DRC8: variants seen among roughly 807,000 people sequenced by gnomAD.
The protein encoded by DRC8 is dynein regulatory complex protein 8.
chr1:245,047,066 C>G, the DRC8 span, among the ~76,000 whole-genome samples: 1 of 152,162 alleles, frequency 6.6e-6, no homozygotes, highest in Non-Finnish European at 1.5e-5. Flanking sequence ...GGGAGCCACT[C>G]GCAGTGCTGC....
At chr1:245,003,909 T>G in the DRC8 span, among the ~76,000 whole-genome samples, 1 of 152,122 alleles carries the variant, frequency 6.6e-6, no homozygotes, top group African/African-American at 2.4e-5. Flanking sequence ...TTTTGTTTTG[T>G]TTTTAGAGGC....
chr1:245,050,043 C>T, the DRC8 span, among the ~76,000 whole-genome samples: 4 of 152,134 alleles, frequency 2.6e-5, no homozygotes, highest in Non-Finnish European at 5.9e-5. Context: ...TCTGCGAAGA[C>T]GAACCTGATG....
At chr1:245,081,955 G>A in the DRC8 span, 1 of 700,690 alleles carries the variant, frequency 1.4e-6, no homozygotes. Flanking sequence ...CCATCTCTGT[G>A]AGCAGGGGTC....
At chr1:244,992,065 A>G in the DRC8 span, among the ~76,000 whole-genome samples, 1 of 152,246 alleles carries the variant, frequency 6.6e-6, no homozygotes. Context: ...CGCAGTTGAC[A>G]GACATCTTTT....
At chr1:245,042,945 T>C in the DRC8 span, among the ~76,000 whole-genome samples, 1 of 152,170 alleles carries the variant, frequency 6.6e-6, no homozygotes, top group African/African-American at 2.4e-5. Context: ...CCAAATGCTA[T>C]ACATAATTAA....
chr1:245,004,058 G>A, the DRC8 span, among the ~76,000 whole-genome samples: 2 of 151,962 alleles, frequency 1.3e-5, no homozygotes, highest in Non-Finnish European at 2.9e-5. Context: ...TACTCGTAGA[G>A]TATTTCCTTC....
chr1:244,972,097 T>C, the DRC8 span, among the ~76,000 whole-genome samples: 1 of 152,230 alleles, frequency 6.6e-6, no homozygotes, highest in Non-Finnish European at 1.5e-5. Context: ...TTTCTCGTTT[T>C]TTAAAAACTG....
At chr1:245,013,561 GA>G in the DRC8 span, among the ~76,000 whole-genome samples, 2 of 142,484 alleles carry the variant, frequency 1.4e-5, no homozygotes, top group African/African-American at 2.7e-5. Flanking sequence ...TTATAATAAT[GA>G]AAAATCAGAA....
the DRC8 span, chr1:244,970,527 C>T: frequency 4.1e-6 from 6 of 1,480,148 alleles, no homozygotes; most frequent in Non-Finnish European, 5.4e-6. Flanking sequence ...GTGGGGTGGG[C>T]CCTCGTCCAT....
chr1:244,979,241 G>A, the DRC8 span, among the ~76,000 whole-genome samples: 1 of 145,604 alleles, frequency 6.9e-6, no homozygotes, highest in African/African-American at 2.6e-5. Flanking sequence ...CTCAGTATTT[G>A]CTGAATGTTG....
the DRC8 span, among the ~76,000 whole-genome samples, chr1:245,119,595 C>T: frequency 3.0e-4 from 45 of 151,152 alleles, no homozygotes; most frequent in African/African-American, 4.6e-4. Flanking sequence ...GCCATGATCA[C>T]GCCACTGTGC....
the DRC8 span, among the ~76,000 whole-genome samples, chr1:245,112,457 A>G: frequency 1.3e-5 from 2 of 152,364 alleles, no homozygotes; most frequent in African/African-American, 4.8e-5. Flanking sequence ...TAAAAAAGAA[A>G]TATGCAGCTG....
At chr1:245,002,371 C>T in the DRC8 span, 1 of 702,356 alleles carries the variant, frequency 1.4e-6, no homozygotes, top group Non-Finnish European at 2.4e-6. Flanking sequence ...TATAAATCTT[C>T]ATTTGATAGC....
the DRC8 span, among the ~76,000 whole-genome samples, chr1:245,018,117 C>T: frequency 6.7e-6 from 1 of 149,980 alleles, no homozygotes; most frequent in Admixed American, 6.7e-5. Context: ...ATCCCAGCTA[C>T]TTTGGAGGCT....
the DRC8 span, among the ~76,000 whole-genome samples, chr1:245,046,496 G>A: frequency 1.3e-5 from 2 of 152,134 alleles, no homozygotes; most frequent in African/African-American, 4.8e-5. Flanking sequence ...AGCTCCATCC[G>A]GATACCATCT....
At chr1:245,082,194 G>A in the DRC8 span, 2 of 1,542,376 alleles carry the variant, frequency 1.3e-6, no homozygotes, top group South Asian at 2.2e-5. Context: ...TTAAGGCAAA[G>A]TAATGGTCAG....
At chr1:244,987,347 T>A in the DRC8 span, among the ~76,000 whole-genome samples, 1 of 152,018 alleles carries the variant, frequency 6.6e-6, no homozygotes, top group South Asian at 2.1e-4. Flanking sequence ...ATTACAGGCG[T>A]GCATCACCAC....
the DRC8 span, chr1:245,086,740 C>T: frequency 3.0e-5 from 16 of 533,302 alleles, no homozygotes; most frequent in African/African-American, 2.1e-4. Context: ...CAGGTGGTGT[C>T]GTTATCACCC....
chr1:245,068,124 A>G, the DRC8 span, among the ~76,000 whole-genome samples: 1 of 152,220 alleles, frequency 6.6e-6, no homozygotes, highest in Non-Finnish European at 1.5e-5. Context: ...ACATTTAACG[A>G]TGCCAAAGCC....
Sources: allele counts gnomAD v4.1 joint callset (sites outside exome capture counted in the v4.1 genomes callset), GRCh38; gene constraint gnomAD v4.1.1; transcripts MANE v1.5; gene names NCBI Gene and HGNC (gene_info 2026-07-23, HGNC 2026-07-21).